The following CHCHD6 variants were observed in gnomAD, a reference collection of about 807,000 sequenced individuals.
CHCHD6 encodes MICOS complex subunit MIC25.
Under a neutral mutation model 32.3 loss-of-function variants are expected in CHCHD6, and 28 were observed. The ratio of observed to expected loss-of-function variants is 0.87; its 90% confidence interval spans 0.64 to 1.19. CHCHD6 has a LOEUF of 1.19. Among genes scored for constraint, CHCHD6 ranks in the 50% most tolerant of loss-of-function variants. CHCHD6 has a pLI of 0.00. For missense variants in CHCHD6, 333 were observed against 307.0 expected (o/e 1.08, Z -0.63); for synonymous variants, 122 against 117.5 (o/e 1.04, Z -0.25).
intron 5 of CHCHD6, among the ~76,000 whole-genome samples, chr3:126,890,878 C>T (rs1050047314): frequency 6.6e-6 from 1 of 152,150 alleles, no homozygotes; most frequent in African/African-American, 2.4e-5. Context: ...GCTGGGGTTC[C>T]CCAGGGAGTG....
chr3:126,792,707 T>A (rs1938612089), intron 4 of CHCHD6, among the ~76,000 whole-genome samples: 1 of 152,226 alleles, frequency 6.6e-6, no homozygotes, highest in Non-Finnish European at 1.5e-5. Flanking sequence ...CATGTATGTT[T>A]GAAACTAATG....
intron 7 of CHCHD6, chr3:126,957,830 G>A (rs1416432603): frequency 7.6e-6 from 4 of 529,648 alleles, no homozygotes; most frequent in Non-Finnish European, 1.4e-5. Context: ...GGTAAAGTCA[G>A]GCCCCACCTT....
chr3:126,818,807 C>G (rs1940027301), intron 4 of CHCHD6, among the ~76,000 whole-genome samples: 1 of 152,248 alleles, frequency 6.6e-6, no homozygotes, highest in Non-Finnish European at 1.5e-5. Flanking sequence ...GTTCCTCCTG[C>G]AACAGGCCTC....
intron 6 of CHCHD6, 77 bp downstream of exon 6, chr3:126,914,827 A>G: frequency 1.3e-6 from 1 of 793,160 alleles, no homozygotes; most frequent in Non-Finnish European, 2.3e-6. Flanking sequence ...GAAACCTGCC[A>G]CCACCTGCCT....
intron 5 of CHCHD6, among the ~76,000 whole-genome samples, chr3:126,897,334 T>A (rs1217194010): frequency 1.3e-5 from 2 of 152,240 alleles, no homozygotes; most frequent in African/African-American, 4.8e-5. Flanking sequence ...AGATAACGAC[T>A]CTGAAAGATT....
chr3:126,900,654 G>T (rs2077911671), intron 5 of CHCHD6, among the ~76,000 whole-genome samples: 1 of 147,324 alleles, frequency 6.8e-6, no homozygotes, highest in Non-Finnish European at 1.5e-5. Flanking sequence ...GCCCAGGCTG[G>T]AGTGCAATGG....
At chr3:126,713,101 C>T (rs1934834517) in intron 1 of CHCHD6, among the ~76,000 whole-genome samples, 1 of 152,238 alleles carries the variant, frequency 6.6e-6, no homozygotes, top group African/African-American at 2.4e-5. Flanking sequence ...CCTTGACCAG[C>T]TGACAAATTG....
At chr3:126,766,104 T>G (rs547531494) in intron 4 of CHCHD6, among the ~76,000 whole-genome samples, 1 of 152,008 alleles carries the variant, frequency 6.6e-6, no homozygotes, top group Non-Finnish European at 1.5e-5. Flanking sequence ...AAGGGGTGTT[T>G]TGGGGAGTGT....
rs1412858954 is a variant in CHCHD6, at chr3:126,818,924, C to T, written c.412-33723C>T. On this transcript the variant is annotated intron_variant, in intron 4 of 7. Transcript: ENST00000290913. Reference sequence around the variant, plus strand: ...CCCACTGCATCTGCTCCTAGGCCTACGTGGCAACTGTGGAGGGATGAGTGA... The same window carrying T: ...CCCACTGCATCTGCTCCTAGGCCTATGTGGCAACTGTGGAGGGATGAGTGA... Among the ~76,000 whole-genome samples, 7 of 152,152 alleles carry T rather than the reference C, an allele frequency of 4.6e-5. No individual in the cohort carries two copies. In the East Asian group the frequency reaches 5.8e-4, roughly 13 times the overall value.
intron 4 of CHCHD6, among the ~76,000 whole-genome samples, chr3:126,774,002 A>G (rs528550346): frequency 6.6e-6 from 1 of 152,254 alleles, no homozygotes; most frequent in African/African-American, 2.4e-5. Context: ...CTGAATCACT[A>G]TGCTAGTGGT....
intron 6 of CHCHD6, among the ~76,000 whole-genome samples, chr3:126,946,081 C>T (rs1016462281): frequency 1.3e-5 from 2 of 152,076 alleles, no homozygotes; most frequent in South Asian, 4.1e-4. Context: ...AGGGTTGGGG[C>T]AGCCCAAGGA....
intron 4 of CHCHD6, among the ~76,000 whole-genome samples, chr3:126,758,910 A>C (rs375210466): frequency 2.6e-5 from 4 of 152,340 alleles, no homozygotes; most frequent in African/African-American, 9.6e-5. Flanking sequence ...GGTGTTCAAT[A>C]AAGAGTAAAT....
At chr3:126,932,813 G>A (rs1231862611) in intron 6 of CHCHD6, among the ~76,000 whole-genome samples, 1 of 152,220 alleles carries the variant, frequency 6.6e-6, no homozygotes, top group Non-Finnish European at 1.5e-5. Flanking sequence ...AGGGCCCTTG[G>A]AGCCTCCCTG....
chr3:126,753,555 G>T (rs1333550879), intron 4 of CHCHD6, among the ~76,000 whole-genome samples: 1 of 152,220 alleles, frequency 6.6e-6, no homozygotes, highest in African/African-American at 2.4e-5. Context: ...TCAGCAGAGA[G>T]TTTGTCTCAA....
At chr3:126,806,122 A>T (rs888629377) in intron 4 of CHCHD6, among the ~76,000 whole-genome samples, 6 of 152,252 alleles carry the variant, frequency 3.9e-5, no homozygotes, top group African/African-American at 1.2e-4. Flanking sequence ...AGACATTACC[A>T]TTCAGGACAT....
intron 4 of CHCHD6, among the ~76,000 whole-genome samples, chr3:126,824,325 G>T (rs1430440963): frequency 6.6e-6 from 1 of 151,712 alleles, no homozygotes; most frequent in Non-Finnish European, 1.5e-5. Flanking sequence ...ACTTTGGGAG[G>T]CTGAGGTGTG....
At chr3:126,910,942 G>A (rs1382710280) in intron 5 of CHCHD6, among the ~76,000 whole-genome samples, 1 of 152,124 alleles carries the variant, frequency 6.6e-6, no homozygotes, top group Non-Finnish European at 1.5e-5. Flanking sequence ...GCACAGAGGA[G>A]TAGGGATAGG....
At chr3:126,746,796 G>A (rs1936521843) in intron 4 of CHCHD6, among the ~76,000 whole-genome samples, 1 of 152,220 alleles carries the variant, frequency 6.6e-6, no homozygotes, top group South Asian at 2.1e-4. Flanking sequence ...AGGCAGCCTG[G>A]CATGTGGCAG....
chr3:126,726,419 A>C (rs1423892280), intron 1 of CHCHD6, among the ~76,000 whole-genome samples: 1 of 152,246 alleles, frequency 6.6e-6, no homozygotes, highest in African/African-American at 2.4e-5. Flanking sequence ...ACTGTAACAG[A>C]TATAACAATG....
Sources: allele counts gnomAD v4.1 joint callset (sites outside exome capture counted in the v4.1 genomes callset), GRCh38; gene constraint gnomAD v4.1.1; transcripts MANE v1.5; gene names NCBI Gene and HGNC (gene_info 2026-07-23, HGNC 2026-07-21).